Variants in OR52E4 observed in about 807,000 individuals in gnomAD.
The protein encoded by OR52E4 is olfactory receptor 52E4.
For missense variants in OR52E4, 444 were observed against 383.8 expected, an observed-to-expected ratio of 1.16 and a Z score of -1.31; for synonymous variants, 169 against 137.4, an observed-to-expected ratio of 1.23 and a Z score of -1.61.
In OR52E4 at chr11:5,881,019, G is replaced by A. The variant is rs189525480; in HGVS notation, c.-75+305G>A. Among the ~76,000 whole-genome samples the A allele has an allele frequency of 2.4e-3, 364 of 152,016 alleles. 1 individual carries two copies. The highest frequency in any genetic ancestry group is 8.5e-3 in the African/African-American group (353 of 41,490). ...CTCACAGAGTACACTGTTCACAGCC[G>A]AAACACCACAAATACAGTCATATAG... On this transcript the variant is annotated intron_variant, in intron 1 of 1. Transcript: ENST00000641726.
At position 5,881,046 on chromosome 11, in the gene OR52E4, A is replaced by G. The variant is rs3816467; in HGVS notation, c.-75+332A>G. Among the ~76,000 whole-genome samples, 83 of 152,244 alleles carry G rather than the reference A, an allele frequency of 5.5e-4. No individual in the cohort carries two copies. In the East Asian group the frequency reaches 0.014, roughly 26 times the overall value. ...AACACCACAAATACAGTCATATAGT[A>G]GCATGGCCATACTTGTTGTCAATAA... is the stretch of plus-strand genomic sequence containing the variant. On this transcript the variant is annotated intron_variant, in intron 1 of 1. Transcript: ENST00000641726.
At chr11:5,880,873 T>A (rs76559928) in intron 1 of OR52E4, among the ~76,000 whole-genome samples, 159 bp downstream of exon 1, 1 of 151,858 alleles carries the variant, frequency 6.6e-6, no homozygotes, top group African/African-American at 2.4e-5. Flanking sequence ...CACATGGGAT[T>A]GGTGAGGGCA....
intron 1 of OR52E4, among the ~76,000 whole-genome samples, chr11:5,882,697 C>T (rs935956): frequency 0.81 from 121,247 of 149,412 alleles, 49,279 homozygotes; most frequent in African/African-American, 0.86. Flanking sequence ...CAACCTTCTC[C>T]GTCTCTCTCT....
rs775351384 is a variant in OR52E4 at position 5,884,425 on chromosome 11, A to C, written c.133A>C (p.Met45Leu). ...GTACCTGATTGCCATTGTGGGGAAT[A>C]TGACCATTCTCTTTGTGATCAAAAC... ...IVYLIAIVGNMTILFVIKTEH... is the reference protein window; with the variant it reads ...IVYLIAIVGNLTILFVIKTEH... Residue 45 changes from methionine (M) to leucine (L), a missense_variant, in exon 2 of 2, where the codon ATG becomes CTG. Met to Leu is a conservative substitution (Grantham distance 15). Transcript: ENST00000641726. The C allele has an allele frequency of 1.2e-6, 2 of 1,613,474 alleles. No homozygotes were observed. Among genetic ancestry groups the C allele is most frequent in the South Asian group, 2.2e-5 (2 of 91,074 alleles).
Position 5,884,808 on chromosome 11 carries a change from G to A in OR52E4, c.516G>A (p.Gly172=), listed in dbSNP as rs894203562. The A allele has an allele frequency of 4.3e-6, 7 of 1,613,390 alleles. No homozygotes were observed. Among genetic ancestry groups the A allele is most frequent in the African/African-American group, 2.7e-5 (2 of 74,852 alleles). ...TCATTCTGCGTCTGCCATTCTGTGG[G>A]CATAACATCGTACCTCACACATACT... ...VFLILRLPFC[G]HNIVPHTYCE... Residue 172 remains glycine, a synonymous_variant, in exon 2 of 2, where the codon GGG becomes GGA. Coordinates refer to ENST00000641726, the MANE Select transcript of OR52E4 (RefSeq NM_001005165.2).
Position 5,885,267 on chromosome 11 carries a change from C to A in OR52E4, c.*36C>A. 1 of 1,351,788 alleles carries A rather than the reference C, an allele frequency of 7.4e-7. No individual in the cohort carries two copies. Among genetic ancestry groups the A allele is most frequent in the Non-Finnish European group, 1.0e-6 (1 of 988,668 alleles). The allele number at this position is 1,351,788 out of a possible 1,614,324, so 83.7% of individuals were successfully genotyped here. A position where few individuals can be genotyped will look rare whatever the true frequency, so the allele number is the denominator to read the frequency against. The stretch of plus-strand genomic sequence containing the variant: ...AAGTTTGGATAAATATATCTATATA[C>A]AACCCAAATTATCATCATCTGAGCT... On this transcript the variant is annotated 3_prime_UTR_variant, in exon 2 of 2. Transcript: ENST00000641726.
At chr11:5,882,752 C>G (rs1590393343) in intron 1 of OR52E4, among the ~76,000 whole-genome samples, 1 of 151,944 alleles carries the variant, frequency 6.6e-6, no homozygotes, top group Non-Finnish European at 1.5e-5. Flanking sequence ...CACACTCACA[C>G]ACAAACAAAA....
At position 5,884,529 on chromosome 11, in the gene OR52E4, T is replaced by A; in HGVS notation, c.237T>A (p.Thr79=). The change falls in exon 2 of 2, where the codon ACT becomes ACA. Residue 79 remains threonine (T), a synonymous_variant. Coordinates refer to ENST00000641726, the MANE Select transcript of OR52E4 (RefSeq NM_001005165.2). ...TTGATCTGGGTCTGTCCACATCCAC[T>A]ATCCCCAAAATGCTAGGAATCTTCT... The part of the protein sequence containing the change: ...SMIDLGLSTS[T]IPKMLGIFWF... 2 of 1,613,520 alleles carry A rather than the reference T, an allele frequency of 1.2e-6. No homozygotes were observed. The highest frequency in any genetic ancestry group is 1.7e-6 in the Non-Finnish European group (2 of 1,179,668).
chr11:5,885,180 G>A lies in OR52E4; in HGVS notation c.888G>A (p.Arg296=). The A allele has an allele frequency of 6.2e-7, 1 of 1,607,424 alleles. No individual in the cohort carries two copies. Among genetic ancestry groups the A allele is most frequent in the South Asian group, 1.1e-5 (1 of 89,462 alleles). The part of the protein sequence containing the change: ...PALNPVIYGV[R]TKQIREQIVK... ...TTAACCCTGTCATTTATGGAGTCAG[G>A]ACCAAGCAGATCCGAGAGCAAATTG... The change falls in exon 2 of 2, where the codon AGG becomes AGA. Residue 296 remains arginine (R), a synonymous_variant. Transcript: ENST00000641726.
Position 5,885,331 on chromosome 11 carries a change from A to C in OR52E4, c.*100A>C. 3 of 866,556 alleles carry C rather than the reference A, an allele frequency of 3.5e-6. No individual in the cohort carries two copies. The highest frequency in any genetic ancestry group is 3.4e-6 in the Non-Finnish European group (2 of 583,654). 53.7% of individuals were successfully genotyped at this position (866,556 alleles called of 1,614,324 possible). On this transcript the variant is annotated 3_prime_UTR_variant, in exon 2 of 2. Transcript: ENST00000641726. ...TCTGTAACAGTTGGTCATGCTTGTC[A>C]GATTTTTTCCTTTTGACTGGAAGTG...
chr11:5,883,907 C>T (rs1268342592), intron 1 of OR52E4, among the ~76,000 whole-genome samples: 1 of 151,986 alleles, frequency 6.6e-6, no homozygotes, highest in African/African-American at 2.4e-5. Flanking sequence ...CTCAAGACCA[C>T]ACTTCAAAGA....
chr11:5,882,824 T>C (rs982491194), intron 1 of OR52E4, among the ~76,000 whole-genome samples: 5 of 151,972 alleles, frequency 3.3e-5, no homozygotes, highest in Admixed American at 2.6e-4. Flanking sequence ...GGAACCAACA[T>C]TCATGTGGCA....
intron 1 of OR52E4, 24 bp from the exon 2 acceptor site, chr11:5,884,195 A>T: frequency 1.2e-6 from 1 of 827,630 alleles, no homozygotes; most frequent in Non-Finnish European, 2.0e-6. Flanking sequence ...TAGCACACTG[A>T]TAAGAGTCTT....
chr11:5,883,977 G>A (rs893921252), intron 1 of OR52E4, among the ~76,000 whole-genome samples: 3 of 152,054 alleles, frequency 2.0e-5, no homozygotes, highest in Admixed American at 2.0e-4. Flanking sequence ...AGTAATGGAA[G>A]GGAATGCCGT....
intron 1 of OR52E4, among the ~76,000 whole-genome samples, chr11:5,882,973 T>A (rs531661379): frequency 6.6e-6 from 1 of 152,070 alleles, no homozygotes; most frequent in Non-Finnish European, 1.5e-5. Context: ...GTACAGTGTC[T>A]TTAGGGATGC....
chr11:5,881,708 A>C (rs1846965649), intron 1 of OR52E4, among the ~76,000 whole-genome samples: 1 of 152,134 alleles, frequency 6.6e-6, no homozygotes. Flanking sequence ...TAATAAAATA[A>C]GTAAGTATAA....
rs868502730 is a variant in OR52E4, at chr11:5,884,381, C to G, written c.89C>G (p.Ser30Cys). ...PGLDTLHIWI[S>C]FPFCIVYLIA... ...CTGGACACTTTACATATCTGGATTT[C>G]TTTCCCATTCTGTATTGTGTACCTG... Residue 30 changes from serine to cysteine, a missense_variant, in exon 2 of 2, where the codon TCT becomes TGT. Physicochemically the swap from Ser to Cys is moderately radical, Grantham distance 112. Transcript: ENST00000641726. 1.2e-6 allele frequency: 2 copies of G among 1,613,278 alleles called. No individual in the cohort carries two copies. Among genetic ancestry groups the G allele is most frequent in the South Asian group, 2.2e-5 (2 of 91,058 alleles).
Position 5,884,323 on chromosome 11 carries a change from C to T in OR52E4, c.31C>T (p.Pro11Ser), listed in dbSNP as rs753905804. ...TTCTATCAATGACACCCACTTCTAT[C>T]CCCCCTTCTTCCTCCTGCTAGGAAT... is the stretch of plus-strand genomic sequence containing the variant. MPSINDTHFY[P>S]PFFLLLGIPG... The change falls in exon 2 of 2, where the codon CCC (proline) becomes TCC (serine). Residue 11 changes from proline to serine, a missense_variant. By Grantham distance (74) the Pro-to-Ser change is moderately conservative. Coordinates refer to ENST00000641726, the MANE Select transcript of OR52E4 (RefSeq NM_001005165.2). 1.2e-6 allele frequency: 2 copies of T among 1,611,486 alleles called. No individual in the cohort carries two copies. Among genetic ancestry groups the T allele is most frequent in the Non-Finnish European group, 1.7e-6 (2 of 1,178,444 alleles).
Position 5,886,185 on chromosome 11 carries a change from GTGTA to G in OR52E4, c.*958_*961del, listed in dbSNP as rs1391677244. On this transcript the variant is annotated 3_prime_UTR_variant, in exon 2 of 2. Coordinates refer to ENST00000641726, the MANE Select transcript of OR52E4 (RefSeq NM_001005165.2). ...TACTTAATTCCCCCTTTGTGTGTGT[GTGTA>G]TGTGTACACACACACACACACACAC... The G allele has an allele frequency of 1.7e-5, 2 of 119,094 alleles. No individual in the cohort carries two copies. Among genetic ancestry groups the G allele is most frequent in the East Asian group, 2.4e-4 (1 of 4,114 alleles). 7.4% of individuals were successfully genotyped at this position (119,094 alleles called of 1,614,324 possible).
Sources: allele counts gnomAD v4.1 joint callset (sites outside exome capture counted in the v4.1 genomes callset), GRCh38; gene constraint gnomAD v4.1.1; transcripts MANE v1.5; gene names NCBI Gene and HGNC (gene_info 2026-07-23, HGNC 2026-07-21).